The following DDC variants were observed in gnomAD, a reference collection of about 807,000 sequenced individuals.
The protein encoded by DDC is dopa decarboxylase, also known as aromatic-L-amino-acid decarboxylase.
A neutral mutation model predicts 60.0 loss-of-function variants in DDC; 43 were observed. The observed-to-expected ratio is 0.72, with a 90% confidence interval of 0.56 to 0.92. DDC has a LOEUF of 0.92. Among genes scored for constraint, DDC ranks in the 40% least tolerant of loss-of-function variants. The pLI is 0.00. For synonymous variants in DDC, 232 were observed against 234.6 expected (o/e 0.99, Z 0.10); for missense variants, 573 against 620.2 (o/e 0.92, Z 0.81).
intron 13 of DDC, among the ~76,000 whole-genome samples, chr7:50,464,110 G>T (rs927954894): frequency 7.2e-5 from 11 of 151,862 alleles, no homozygotes; most frequent in Non-Finnish European, 1.0e-4. Flanking sequence ...TCTTCTGTTT[G>T]CAGGCAGTGA....
At chr7:50,483,003 CT>C (rs200562033) in intron 9 of DDC, among the ~76,000 whole-genome samples, 14,464 of 147,432 alleles carry the variant, frequency 0.098, 1,047 homozygotes, top group South Asian at 0.12. Context: ...ACTTCTTTAT[CT>C]TTTTTTTTTT....
chr7:50,560,826 T>C (rs757534508), intron 1 of DDC, among the ~76,000 whole-genome samples: 1 of 152,176 alleles, frequency 6.6e-6, no homozygotes, highest in Non-Finnish European at 1.5e-5. Context: ...GAAAAGTTCC[T>C]GTAAACCCTG....
At chr7:50,538,077 G>C (rs1175113975) in intron 3 of DDC, 98 bp from the exon 4 acceptor site, 2 of 1,439,214 alleles carry the variant, frequency 1.4e-6, no homozygotes, top group African/African-American at 2.8e-5. Context: ...CTAAAGCCCA[G>C]ATTAAAATCA....
intron 1 of DDC, among the ~76,000 whole-genome samples, chr7:50,561,403 C>T (rs901184899): frequency 5.9e-5 from 9 of 152,232 alleles, no homozygotes; most frequent in Non-Finnish European, 8.8e-5. Flanking sequence ...GAGGAAGGGA[C>T]GGCGTGGCAT....
intron 9 of DDC, among the ~76,000 whole-genome samples, chr7:50,493,675 T>C (rs549889492): frequency 6.6e-6 from 1 of 152,308 alleles, no homozygotes; most frequent in Non-Finnish European, 1.5e-5. Context: ...CTTTCATAAA[T>C]ACTTATTTCA....
chr7:50,540,287 A>T, intron 2 of DDC: 1 of 458,696 alleles, frequency 2.2e-6, no homozygotes, highest in Non-Finnish European at 4.1e-6. Context: ...CTCAGAAGGA[A>T]AAGTTCTATC....
At chr7:50,521,512 C>T (rs1282560390) in intron 6 of DDC, among the ~76,000 whole-genome samples, 1 of 152,028 alleles carries the variant, frequency 6.6e-6, no homozygotes, top group African/African-American at 2.4e-5. Context: ...CAAAAATTCT[C>T]AACAAAATAT....
chr7:50,484,636 T>C (rs973403080), intron 9 of DDC, among the ~76,000 whole-genome samples: 6 of 152,200 alleles, frequency 3.9e-5, no homozygotes, highest in African/African-American at 7.2e-5. Flanking sequence ...TGTGTATGTG[T>C]ACTTGAGGAC....
intron 11 of DDC, 92 bp from the exon 12 acceptor site, chr7:50,470,263 G>C (rs1585141468): frequency 1.0e-6 from 1 of 962,858 alleles, no homozygotes; most frequent in Non-Finnish European, 1.7e-6. Flanking sequence ...TCTCTTGGAG[G>C]CAGCCGATTC....
chr7:50,561,225 C>A (rs1434880802), intron 1 of DDC, among the ~76,000 whole-genome samples: 2 of 152,040 alleles, frequency 1.3e-5, no homozygotes, highest in African/African-American at 4.8e-5. Flanking sequence ...GGGGAGAGAG[C>A]CATCCTAGCA....
intron 6 of DDC, among the ~76,000 whole-genome samples, chr7:50,504,741 C>A (rs6965025): frequency 0.98 from 149,781 of 152,206 alleles, 73,728 homozygotes; most frequent in South Asian, 1. Context: ...GTGCATACAC[C>A]CATGTGCAAT....
chr7:50,469,649 C>T (rs2042484447), intron 12 of DDC, among the ~76,000 whole-genome samples: 3 of 152,160 alleles, frequency 2.0e-5, no homozygotes, highest in South Asian at 2.1e-4. Context: ...ACAACCCAAA[C>T]TACAGTCTGG....
intron 14 of DDC, among the ~76,000 whole-genome samples, chr7:50,462,218 CAAA>C (rs1179665895): frequency 7.6e-3 from 42 of 5,506 alleles, no homozygotes; most frequent in Non-Finnish European, 0.013. Context: ...CCAAATGGGA[CAAA>C]AAGACAAAAA....
chr7:50,539,691 TG>T (rs2044548865), intron 3 of DDC: 2 of 540,522 alleles, frequency 3.7e-6, no homozygotes, highest in Admixed American at 5.3e-5. Flanking sequence ...ACACAGCCTG[TG>T]CAGAATGGGC....
intron 1 of DDC, among the ~76,000 whole-genome samples, chr7:50,556,204 T>C (rs908224012): frequency 3.3e-5 from 5 of 152,196 alleles, no homozygotes; most frequent in African/African-American, 1.2e-4. Context: ...TAAAAAGTAC[T>C]ATAGACTGGG....
chr7:50,458,946 C>T (rs952037949), intron 14 of DDC, 103 bp from the exon 15 acceptor site: 6 of 150,602 alleles, frequency 4.0e-5, no homozygotes, highest in Admixed American at 3.3e-4. Flanking sequence ...CCCTCTCCCC[C>T]CTCTCCCTCT....
chr7:50,508,744 T>C (rs1410227384), intron 6 of DDC, among the ~76,000 whole-genome samples: 2 of 152,210 alleles, frequency 1.3e-5, no homozygotes, highest in Non-Finnish European at 2.9e-5. Flanking sequence ...ATTATGCACA[T>C]GCCCAGTTAT....
intron 1 of DDC, among the ~76,000 whole-genome samples, chr7:50,555,910 T>G (rs1031958722): frequency 5.3e-5 from 8 of 152,094 alleles, no homozygotes; most frequent in Non-Finnish European, 8.8e-5. Context: ...GTACAGAGCA[T>G]CTCTAACAGC....
intron 1 of DDC, among the ~76,000 whole-genome samples, chr7:50,563,628 G>A (rs569739477): frequency 6.6e-6 from 1 of 152,174 alleles, no homozygotes; most frequent in African/African-American, 2.4e-5. Flanking sequence ...TTGAGACAGA[G>A]TCTCACTCTG....
Sources: gnomAD v4.1 joint callset for allele counts (sites outside exome capture counted in the v4.1 genomes callset) on GRCh38, gnomAD v4.1.1 for gene constraint, MANE v1.5 for transcripts, NCBI Gene and HGNC (gene_info 2026-07-23, HGNC 2026-07-21) for gene names.